The following MICAL2 variants were observed in gnomAD, a reference collection of about 807,000 sequenced individuals.
MICAL2 encodes the protein [F-actin]-monooxygenase MICAL2.
MICAL2 carries 77 observed loss-of-function variants against 127.3 expected under a neutral mutation model. The ratio of observed to expected loss-of-function variants is 0.60; its 90% confidence interval spans 0.50 to 0.73. MICAL2 has a LOEUF of 0.73. Among genes scored for constraint, MICAL2 ranks in the 30% least tolerant of loss-of-function variants. The pLI is 0.00. For synonymous variants in MICAL2, 570 were observed against 551.1 expected, an observed-to-expected ratio of 1.03 and a Z score of -0.48; for missense variants, 1,351 against 1,434.4, an observed-to-expected ratio of 0.94 and a Z score of 0.94.
intron 21 of MICAL2, among the ~76,000 whole-genome samples, chr11:12,248,954 A>G (rs888666154): frequency 7.2e-5 from 11 of 152,108 alleles, no homozygotes; most frequent in African/African-American, 2.4e-4. Flanking sequence ...AGCACCAATT[A>G]CTCACTGTGT....
intron 3 of MICAL2, among the ~76,000 whole-genome samples, chr11:12,196,793 C>G (rs183678993): frequency 2.6e-5 from 4 of 152,150 alleles, no homozygotes; most frequent in Non-Finnish European, 5.9e-5. Flanking sequence ...CGATCTGGCT[C>G]TTTCTTTCTC....
Position 12,349,937 on chromosome 11 carries a change from TGTAA to T in MICAL2, c.5615+6_5615+9del, listed in dbSNP as rs780351753. On this transcript the variant is annotated splice_donor_variant and splice_donor_region_variant and intron_variant, in intron 33 of 34. Coordinates refer to the MICAL2 transcript ENST00000646065. LOFTEE classifies it high-confidence loss of function. ...CGATATGAGTCGGAGCTCCTAATCA[TGTAA>T]GTAAGGCAACACAGATACCAGCGAG... is the stretch of plus-strand genomic sequence containing the variant. The T allele has an allele frequency of 1.7e-5, 27 of 1,613,136 alleles. No homozygotes were observed. The highest frequency in any genetic ancestry group is 2.1e-5 in the Non-Finnish European group (25 of 1,179,314).
chr11:12,142,186 A>G (rs1298378970), intron 2 of MICAL2, among the ~76,000 whole-genome samples: 1 of 152,202 alleles, frequency 6.6e-6, no homozygotes, highest in Non-Finnish European at 1.5e-5. Context: ...CTAAGGTGTT[A>G]GCAGGGCCCC....
intron 33 of MICAL2, among the ~76,000 whole-genome samples, chr11:12,352,977 T>A (rs139657075): frequency 9.2e-5 from 14 of 152,318 alleles, no homozygotes; most frequent in Non-Finnish European, 1.8e-4. Flanking sequence ...GAAGTGGATT[T>A]TGCAGCAGCA....
chr11:12,220,515 A>G, intron 9 of MICAL2, 57 bp downstream of exon 9: 3 of 1,576,258 alleles, frequency 1.9e-6, no homozygotes, highest in South Asian at 1.2e-5. Context: ...CCACGTTTGT[A>G]TTCTGGCAGG....
chr11:12,260,315 C>T (rs1251238389), intron 26 of MICAL2: 1 of 1,423,294 alleles, frequency 7.0e-7, no homozygotes, highest in African/African-American at 1.4e-5. Flanking sequence ...ACATGGGCCA[C>T]CTCCGCCTGG....
At chr11:12,294,161 A>G (rs1378357868), downstream of MICAL2, 21 of 1,613,898 alleles carry the variant, frequency 1.3e-5, no homozygotes, top group Non-Finnish European at 1.5e-5. Flanking sequence ...GCCAACCCAG[A>G]GAGGGGCCCA....
chr11:12,184,075 G>A (rs1244874855), intron 3 of MICAL2, among the ~76,000 whole-genome samples: 7 of 152,108 alleles, frequency 4.6e-5, no homozygotes, highest in Non-Finnish European at 7.4e-5. Flanking sequence ...CCACCACGTC[G>A]GATCTTGGCT....
chr11:12,339,031 A>G (rs1938814802), intron 32 of MICAL2, among the ~76,000 whole-genome samples: 4 of 152,176 alleles, frequency 2.6e-5, no homozygotes, highest in South Asian at 4.1e-4. Flanking sequence ...GTTCTCCTGG[A>G]TAATATCCTG....
rs774375661 is a variant in MICAL2, at chr11:12,256,826, C to A, written c.2997C>A (p.Ser999Arg). 16 of 1,613,678 alleles carry A rather than the reference C, an allele frequency of 9.9e-6. No individual in the cohort carries two copies. Among genetic ancestry groups the A allele is most frequent in the African/African-American group, 1.3e-5 (1 of 75,056 alleles). The change falls in exon 24 of 28, where the codon AGC (serine) becomes AGA (arginine). Residue 999 changes from serine to arginine, a missense_variant. This residue lies in a region of MICAL2 where 752 missense variants were observed against 719.4 expected (regional missense o/e 1.05). Transcript: ENST00000683283. ...RKSFPLNLGG[S>R]DTCYFCKKRV... ...CATTTCCCCTTAACCTGGGAGGCAG[C>A]GACACGTGTTACTTCTGTAAGAAAC...
Position 12,258,732 on chromosome 11 carries a change from C to T in MICAL2, c.3231+176C>T, listed in dbSNP as rs557308488. Among the ~76,000 whole-genome samples the T allele has an allele frequency of 2.0e-5, 3 of 152,330 alleles. No individual in the cohort carries two copies. In the South Asian group the frequency reaches 6.2e-4, roughly 32 times the overall value. On this transcript the variant is annotated intron_variant, in intron 25 of 27. Coordinates refer to ENST00000683283, the MANE Select transcript of MICAL2 (RefSeq NM_001282663.2). ...GGTTCTTTTGCTTCAGTCTGTTCCACAGCCTCTGGGGTGTGTCCCATTCCA... is the reference window on the plus strand; with the variant it reads ...GGTTCTTTTGCTTCAGTCTGTTCCATAGCCTCTGGGGTGTGTCCCATTCCA...
intron 3 of MICAL2, among the ~76,000 whole-genome samples, 195 bp from the exon 4 acceptor site, chr11:12,204,055 G>C (rs1315997109): frequency 6.6e-6 from 1 of 152,218 alleles, no homozygotes; most frequent in Non-Finnish European, 1.5e-5. Flanking sequence ...GCTTGGTGCA[G>C]TGGCTGGTGC....
rs948957475 is a variant in MICAL2 at position 12,262,118 on chromosome 11, T to C, written c.3335-362T>C. ...TTTGTACGCTCTGAGATGTTGAACC[T>C]TTCTGGTGGGCAGCACCGACACCCA... is the stretch of plus-strand genomic sequence containing the variant. On this transcript the variant is annotated intron_variant, in intron 26 of 27. Coordinates refer to ENST00000683283, the MANE Select transcript of MICAL2 (RefSeq NM_001282663.2). 7.8e-6 allele frequency: 9 copies of C among 1,150,338 alleles called. No homozygotes were observed. In the African/African-American group the frequency reaches 1.4e-4, roughly 18 times the overall value. 71.3% of individuals were successfully genotyped at this position (1,150,338 alleles called of 1,614,324 possible). A position where few individuals can be genotyped will look rare whatever the true frequency, so the allele number is the denominator to read the frequency against.
intron 1 of MICAL2, among the ~76,000 whole-genome samples, chr11:12,122,083 A>G (rs1357164646): frequency 2.6e-5 from 4 of 152,234 alleles, no homozygotes; most frequent in African/African-American, 9.6e-5. Context: ...AATTTGAAGC[A>G]TGCTGTCACA....
At chr11:12,292,316 C>T (rs375090449), downstream of MICAL2, 4 of 1,613,486 alleles carry the variant, frequency 2.5e-6, no homozygotes, top group South Asian at 1.1e-5. Flanking sequence ...CCCTGAGGGT[C>T]CTGCCCAGGT....
chr11:12,286,749 C>A (rs1863831722), intron 2 of MICAL2, among the ~76,000 whole-genome samples: 1 of 152,132 alleles, frequency 6.6e-6, no homozygotes, highest in Non-Finnish European at 1.5e-5. Flanking sequence ...GTGGTGCATG[C>A]CTATAGTCCC....
At chr11:12,315,662 G>C (rs1181062949) in intron 29 of MICAL2, among the ~76,000 whole-genome samples, 3 of 152,100 alleles carry the variant, frequency 2.0e-5, no homozygotes, top group East Asian at 1.9e-4. Flanking sequence ...TAAAGCCAAG[G>C]ATATCGTCTA....
chr11:12,249,113 C>G, intron 21 of MICAL2, 71 bp from the exon 22 acceptor site: 1 of 1,599,602 alleles, frequency 6.3e-7, no homozygotes, highest in Non-Finnish European at 8.5e-7. Flanking sequence ...GCTTCTCTTT[C>G]CCCAGTGGAA....
At chr11:12,125,772 G>T (rs1052812302) in intron 1 of MICAL2, among the ~76,000 whole-genome samples, 2 of 152,252 alleles carry the variant, frequency 1.3e-5, no homozygotes, top group Admixed American at 6.5e-5. Flanking sequence ...GAGTGGGGAC[G>T]TGGTAGGTAG....
Sources: gnomAD v4.1 joint callset for allele counts (sites outside exome capture counted in the v4.1 genomes callset) on GRCh38, gnomAD v4.1.1 for gene constraint, gnomAD v4.1.1 regional missense constraint, MANE v1.5 for transcripts, NCBI Gene and HGNC (gene_info 2026-07-23, HGNC 2026-07-21) for gene names.